The following DIP2B variants were observed in gnomAD, a reference collection of about 807,000 sequenced individuals.
The protein encoded by DIP2B is disco-interacting protein 2 homolog B.
A neutral mutation model predicts 198.0 loss-of-function variants in DIP2B; 76 were observed. The observed-to-expected ratio is 0.38, with a 90% CI of 0.32 to 0.46. The LOEUF (loss-of-function observed/expected upper bound fraction) is 0.46, where lower values mean the gene tolerates loss of function less well. Among genes scored for constraint, DIP2B ranks in the 20% least tolerant of loss-of-function variants. The probability of loss-of-function intolerance (pLI) is 0.99; values close to 1 mark genes in which losing one functional copy is unlikely to be tolerated. For synonymous variants in DIP2B, 701 were observed against 739.1 expected, an observed-to-expected ratio of 0.95 and a Z score of 0.84; for missense variants, 1,559 against 1,978.4, an observed-to-expected ratio of 0.79 and a Z score of 4.02.
Position 50,744,692 on chromosome 12 carries a change from A to G in DIP2B, c.4584A>G (p.Glu1528=), listed in dbSNP as rs749960946. ...CATTAGTGACCAACGTGGTCCTGGAAGAGCATTACCTCATCGTTGGCGTCG... is the reference window on the plus strand; with the variant it reads ...CATTAGTGACCAACGTGGTCCTGGAGGAGCATTACCTCATCGTTGGCGTCG... ...LVPLVTNVVL[E]EHYLIVGVVV... is the part of the protein sequence containing the mutation. The change falls in exon 38 of 38, where the codon GAA becomes GAG. Residue 1528 remains glutamate (E), a synonymous_variant. Transcript: ENST00000301180. 6.2e-7 allele frequency: 1 copy of G among 1,614,190 alleles called. No individual in the cohort carries two copies. The highest frequency in any genetic ancestry group is 2.2e-5 in the East Asian group (1 of 44,888).
intron 20 of DIP2B, among the ~76,000 whole-genome samples, chr12:50,706,326 C>T (rs557085139): frequency 6.6e-6 from 1 of 152,144 alleles, no homozygotes; most frequent in Non-Finnish European, 1.5e-5. Context: ...CTTAGGTATC[C>T]TGTGAGACTT....
chr12:50,553,053 C>G (rs1448715404), intron 1 of DIP2B, among the ~76,000 whole-genome samples: 1 of 152,120 alleles, frequency 6.6e-6, no homozygotes, highest in Non-Finnish European at 1.5e-5. Context: ...CCAGGCTGGT[C>G]TTGAACTCCT....
chr12:50,543,924 TAAAAAAA>T lies in DIP2B; in HGVS notation c.100+38698_100+38704del, dbSNP rs781505789. On this transcript the variant is annotated intron_variant, in intron 1 of 37. Coordinates refer to ENST00000301180, the MANE Select transcript of DIP2B (RefSeq NM_173602.3). ...GGGCGACAGAGTGAGACTCAGCCTT[TAAAAAAA>T]AAAAAAAAAAAAAGGAGGCTGGGCA... is the stretch of plus-strand genomic sequence containing the variant. Among the ~76,000 whole-genome samples, 6 of 101,162 alleles carry T rather than the reference TAAAAAAA, an allele frequency of 5.9e-5. No individual in the cohort carries two copies. The Admixed American group carries it at 7.1e-4, about 12-fold the overall frequency. The allele number at this position is 101,162 out of a possible 152,430, so 66.4% of individuals were successfully genotyped here.
intron 29 of DIP2B, 27 bp from the exon 30 acceptor site, chr12:50,728,521 G>A (rs746212196): frequency 1.2e-6 from 2 of 1,611,092 alleles, no homozygotes; most frequent in East Asian, 4.5e-5. Context: ...AACAGTCCCA[G>A]CCTGTTCCAT....
intron 14 of DIP2B, among the ~76,000 whole-genome samples, chr12:50,693,417 A>G (rs1233294951): frequency 6.6e-6 from 1 of 152,044 alleles, no homozygotes; most frequent in Non-Finnish European, 1.5e-5. Flanking sequence ...AGAGGTAGAG[A>G]GAGGGGACAT....
At chr12:50,535,102 C>G (rs555560893) in intron 1 of DIP2B, among the ~76,000 whole-genome samples, 1 of 152,068 alleles carries the variant, frequency 6.6e-6, no homozygotes, top group African/African-American at 2.4e-5. Context: ...TGTGATGGTG[C>G]ATGCCTGTAG....
chr12:50,674,633 A>G lies in DIP2B; in HGVS notation c.796+4A>G. 1 of 1,613,918 alleles carries G rather than the reference A, an allele frequency of 6.2e-7. No individual in the cohort carries two copies. The highest frequency in any genetic ancestry group is 8.5e-7 in the Non-Finnish European group (1 of 1,179,892). ...AGCCTTATGGATACAGCTGATGGTA[A>G]GGAGTTGTTTTTGGTAGCTCAATTG... On this transcript the variant is annotated splice_donor_region_variant and intron_variant, in intron 6 of 37. Coordinates refer to ENST00000301180, the MANE Select transcript of DIP2B (RefSeq NM_173602.3).
Position 50,675,231 on chromosome 12 carries a change from G to A in DIP2B, c.797-98G>A, listed in dbSNP as rs974267167. The A allele has an allele frequency of 4.0e-5, 58 of 1,463,980 alleles. No individual in the cohort carries two copies. The African/African-American group carries it at 5.5e-4, about 14-fold the overall frequency. 90.7% of individuals were successfully genotyped at this position (1,463,980 alleles called of 1,614,324 possible). On this transcript the variant is annotated intron_variant, in intron 6 of 37. Coordinates refer to ENST00000301180, the MANE Select transcript of DIP2B (RefSeq NM_173602.3). ...TGAAAGAGAAGGAAACTGGACAAAC[G>A]CCAAACATCCTTAGAAATAAAAGCT... is the stretch of plus-strand genomic sequence containing the variant.
At position 50,745,038 on chromosome 12, in the gene DIP2B, T is replaced by C. The variant is rs1940323345; in HGVS notation, c.*199T>C. 7.5e-6 allele frequency: 5 copies of C among 669,934 alleles called. No homozygotes were observed. In the South Asian group the frequency reaches 1.0e-4, roughly 14 times the overall value. The allele number at this position is 669,934 out of a possible 1,614,324, so 41.5% of individuals were successfully genotyped here. On this transcript the variant is annotated 3_prime_UTR_variant, in exon 38 of 38. Transcript: ENST00000301180. The stretch of plus-strand genomic sequence containing the variant: ...TGGCAAATGAAAAAAATGTTAACAT[T>C]TGGTAGACATGTGCTTTGACATAGC...
At position 50,505,074 on chromosome 12, in the gene DIP2B, C is replaced by T. The variant is rs1351286871; in HGVS notation, c.-67C>T. 9.1e-6 allele frequency: 13 copies of T among 1,435,648 alleles called. No homozygotes were observed. The Admixed American group carries it at 2.0e-4, about 22-fold the overall frequency. 88.9% of individuals were successfully genotyped at this position (1,435,648 alleles called of 1,614,324 possible). On this transcript the variant is annotated 5_prime_UTR_variant, in exon 1 of 38. Coordinates refer to ENST00000301180, the MANE Select transcript of DIP2B (RefSeq NM_173602.3). ...GCCGGATCCTGTAGCCGGGTGTGGG[C>T]CCGTGTCTGTCCGTCCCTCCTTCGG...
rs1462835892 is a variant in DIP2B, at chr12:50,698,448, A to G, written c.2169A>G (p.Val723=). The change falls in exon 18 of 38, where the codon GTA becomes GTG. Residue 723 remains valine (V), a synonymous_variant. Transcript: ENST00000301180. Reference sequence around the variant, plus strand: ...ATTCAGCACTGACGGTCCAGGATGTAGGGCATGTAATGCCTGGTGGTGAGT... The same window carrying G: ...ATTCAGCACTGACGGTCCAGGATGTGGGGCATGTAATGCCTGGTGGTGAGT... ...DKNSALTVQD[V]GHVMPGGMMC... 2.5e-6 allele frequency: 4 copies of G among 1,613,666 alleles called. No individual in the cohort carries two copies. In the South Asian group the frequency reaches 4.4e-5, roughly 18 times the overall value.
At chr12:50,654,947 T>A in intron 3 of DIP2B, 1 of 437,152 alleles carries the variant, frequency 2.3e-6, no homozygotes, top group Non-Finnish European at 4.6e-6. Flanking sequence ...TGGTAAAAAC[T>A]GTTTTGGGGG....
chr12:50,743,099 G>GT lies in DIP2B; in HGVS notation c.4479-1480dup, dbSNP rs201910895. 3.1e-3 allele frequency among the ~76,000 whole-genome samples: 465 copies of GT among 151,644 alleles called. 5 individuals are homozygous for GT. The highest frequency in any genetic ancestry group is 0.011 in the African/African-American group (442 of 41,336). ...TAATTACTGGAATTTGGTTTTGTTT[G>GT]TTTTTTTTGTGAGACAGAGTCTCCC... On this transcript the variant is annotated intron_variant, in intron 37 of 37. Coordinates refer to ENST00000301180, the MANE Select transcript of DIP2B (RefSeq NM_173602.3).
chr12:50,525,283 G>A (rs1041293701), intron 1 of DIP2B, among the ~76,000 whole-genome samples: 5 of 151,230 alleles, frequency 3.3e-5, no homozygotes, highest in Non-Finnish European at 7.4e-5. Context: ...GCGTGAACCC[G>A]GGAGGCGGAG....
rs186921867 is a variant in DIP2B at position 50,633,559 on chromosome 12, A to C, written c.173-7165A>C. ...TTTGGTTGGCTGAGGCAGGATGATCACTTGAGACCAGCCTGGGCAACATAG... is the reference window on the plus strand; with the variant it reads ...TTTGGTTGGCTGAGGCAGGATGATCCCTTGAGACCAGCCTGGGCAACATAG... On this transcript the variant is annotated intron_variant, in intron 2 of 37. Transcript: ENST00000301180. 2.6e-5 allele frequency among the ~76,000 whole-genome samples: 4 copies of C among 152,222 alleles called. No individual in the cohort carries two copies. In the East Asian group the frequency reaches 5.8e-4, roughly 22 times the overall value.
intron 3 of DIP2B, among the ~76,000 whole-genome samples, chr12:50,647,414 G>T (rs1056928823): frequency 6.6e-6 from 1 of 152,134 alleles, no homozygotes; most frequent in Non-Finnish European, 1.5e-5. Context: ...GATATTCCAG[G>T]CAGAAGAAAC....
chr12:50,540,547 CTT>C (rs55910419), intron 1 of DIP2B, among the ~76,000 whole-genome samples: 16 of 128,352 alleles, frequency 1.2e-4, no homozygotes, highest in Admixed American at 1.6e-4. Flanking sequence ...TAAAAAAATT[CTT>C]TTTTTTTTTT....
At chr12:50,638,570 T>C (rs1938198485) in intron 2 of DIP2B, among the ~76,000 whole-genome samples, 1 of 152,202 alleles carries the variant, frequency 6.6e-6, no homozygotes, top group Non-Finnish European at 1.5e-5. Context: ...ATCTTTGCTT[T>C]TAGCTTTTCT....
rs1036459500 is a variant in DIP2B, at chr12:50,671,321, C to T, written c.563C>T (p.Ala188Val). 2 of 1,614,162 alleles carry T rather than the reference C, an allele frequency of 1.2e-6. No individual in the cohort carries two copies. The highest frequency in any genetic ancestry group is 1.7e-6 in the Non-Finnish European group (2 of 1,180,022). The part of the protein sequence containing the change: ...SIQGSSTSSS[A>V]SSTLSHGEVK... The stretch of plus-strand genomic sequence containing the variant: ...CAGGGATCGTCCACTTCTTCATCCG[C>T]ATCTTCTACGCTGTCCCACGGAGAG... The change falls in exon 5 of 38, where the codon GCA becomes GTA. Residue 188 changes from alanine (A) to valine (V), a missense_variant. Ala to Val is a moderately conservative substitution (Grantham distance 64). Coordinates refer to ENST00000301180, the MANE Select transcript of DIP2B (RefSeq NM_173602.3).
Sources: gnomAD v4.1 joint callset for allele counts (sites outside exome capture counted in the v4.1 genomes callset) on GRCh38, gnomAD v4.1.1 for gene constraint, MANE v1.5 for transcripts, NCBI Gene and HGNC (gene_info 2026-07-23, HGNC 2026-07-21) for gene names.